The following ITPA variants were observed in gnomAD, a reference collection of about 807,000 sequenced individuals.
ITPA encodes inosine triphosphate pyrophosphatase.
Under a neutral mutation model 29.6 loss-of-function variants are expected in ITPA, and 29 were observed. The ratio of observed to expected loss-of-function variants is 0.98; its 90% CI spans 0.73 to 1.34. The LOEUF is 1.34. Ranked by LOEUF, ITPA falls within the 40% of genes most tolerant of loss-of-function variation. The probability of loss-of-function intolerance (pLI) is 0.00; values close to 1 mark genes in which losing one functional copy is unlikely to be tolerated. For synonymous variants in ITPA, 103 were observed against 99.3 expected, an observed-to-expected ratio of 1.04 and a Z score of -0.22; for missense variants, 241 against 251.5, an observed-to-expected ratio of 0.96 and a Z score of 0.28.
intron 3 of ITPA, among the ~76,000 whole-genome samples, 188 bp from the exon 4 acceptor site, chr20:3,213,797 T>C (rs1480129686): frequency 1.3e-5 from 2 of 152,214 alleles, no homozygotes; most frequent in Non-Finnish European, 2.9e-5. Context: ...GGCCAAAGCT[T>C]GGTGTCCTCA....
chr20:3,220,446 C>T (rs1432155774), intron 6 of ITPA, among the ~76,000 whole-genome samples: 2 of 152,116 alleles, frequency 1.3e-5, no homozygotes, highest in East Asian at 3.8e-4. Flanking sequence ...CTTAGTCACG[C>T]AGCTCCTCAC....
chr20:3,204,532 C>A, upstream of ITPA: 1 of 1,557,514 alleles, frequency 6.4e-7, no homozygotes. Flanking sequence ...AGCGGCATCT[C>A]CTACCTGATG....
At chr20:3,205,584 C>T (rs1229596696), upstream of ITPA, among the ~76,000 whole-genome samples, 1 of 151,988 alleles carries the variant, frequency 6.6e-6, no homozygotes, top group African/African-American at 2.4e-5. Flanking sequence ...CCTGTGATTC[C>T]AGGTACTTGG....
chr20:3,211,863 T>C (rs1170446903), intron 1 of ITPA, among the ~76,000 whole-genome samples: 2 of 152,038 alleles, frequency 1.3e-5, no homozygotes, highest in East Asian at 3.9e-4. Context: ...CTCAGGAAAA[T>C]AGTTTCAAAT....
chr20:3,223,473 T>G lies in ITPA; in HGVS notation c.*11T>G, dbSNP rs2067520723. ...AGTTTGGCAGCTTGACTTCTGCAGC[T>G]GGAGGAGGCCCCTCAGGCCGGGGAT... On this transcript the variant is annotated 3_prime_UTR_variant, in exon 8 of 8. Transcript: ENST00000380113. 1 of 1,603,026 alleles carries G rather than the reference T, an allele frequency of 6.2e-7. No individual in the cohort carries two copies. The highest frequency in any genetic ancestry group is 1.1e-5 in the South Asian group (1 of 89,744).
At chr20:3,205,329 T>C (rs192830262), upstream of ITPA, among the ~76,000 whole-genome samples, 138 of 151,966 alleles carry the variant, frequency 9.1e-4, no homozygotes, top group Admixed American at 2.3e-3. Flanking sequence ...TCTTTCTTTC[T>C]TTCTTTCTTT....
At chr20:3,218,008 C>T (rs2067352976) in intron 5 of ITPA, among the ~76,000 whole-genome samples, 1 of 151,952 alleles carries the variant, frequency 6.6e-6, no homozygotes, top group African/African-American at 2.4e-5. Flanking sequence ...AGCTCCGCCT[C>T]CCTTGTTCAC....
chr20:3,226,801 G>A (rs564529134), downstream of ITPA, among the ~76,000 whole-genome samples: 8 of 152,234 alleles, frequency 5.3e-5, no homozygotes, highest in South Asian at 4.2e-4. The surrounding 1 kb of genome is among the most constrained non-coding windows in gnomAD (Gnocchi z 4.4). Context: ...CTGCGCACCC[G>A]GCACTCCCCT....
At chr20:3,215,192 C>T in intron 4 of ITPA, 89 bp from the exon 5 acceptor site, 2 of 1,342,302 alleles carry the variant, frequency 1.5e-6, no homozygotes, top group Non-Finnish European at 2.1e-6. Flanking sequence ...TTTCATTTCC[C>T]CTTGGCTGTC....
At chr20:3,223,315 G>T (rs1374977588) in intron 7 of ITPA, 51 bp from the exon 8 acceptor site, 8 of 1,349,060 alleles carry the variant, frequency 5.9e-6, no homozygotes, top group Non-Finnish European at 8.4e-6. Flanking sequence ...GGGAGGGGGT[G>T]CACTTCCTTC....
upstream of ITPA, among the ~76,000 whole-genome samples, chr20:3,207,727 T>C (rs1283214877): frequency 9.1e-6 from 1 of 109,458 alleles, no homozygotes; most frequent in Admixed American, 9.3e-5. Flanking sequence ...CAAAACACAG[T>C]GGCTGATGCC....
At chr20:3,221,349 G>T (rs1183645553) in intron 6 of ITPA, among the ~76,000 whole-genome samples, 1 of 152,058 alleles carries the variant, frequency 6.6e-6, no homozygotes, top group Non-Finnish European at 1.5e-5. Flanking sequence ...TGTTCATGAA[G>T]TGGGGAGTTG....
rs34376287 is a variant in ITPA at position 3,219,746 on chromosome 20, C to CAA, written c.411+1129_411+1130dup. 1.2e-3 allele frequency among the ~76,000 whole-genome samples: 135 copies of CAA among 115,118 alleles called. 2 individuals are homozygous for CAA. The highest frequency in any genetic ancestry group is 4.9e-3 in the Middle Eastern group (1 of 206). The allele number at this position is 115,118 out of a possible 152,430, so 75.5% of individuals were successfully genotyped here. A position where few individuals can be genotyped will look rare whatever the true frequency, so the allele number is the denominator to read the frequency against. On this transcript the variant is annotated intron_variant, in intron 6 of 7. Coordinates refer to ENST00000380113, the MANE Select transcript of ITPA (RefSeq NM_033453.4). ...GGCAACAAGAGTGAGACTCCGTCTC[C>CAA]AAAAAAAAAAAAAAAAGAGGCTGAG...
At chr20:3,225,600 G>A (rs761384143), downstream of ITPA, among the ~76,000 whole-genome samples, 10 of 152,168 alleles carry the variant, frequency 6.6e-5, no homozygotes, top group African/African-American at 1.4e-4. Context: ...ACCTCGCCCC[G>A]TGCATCTCTT....
intron 1 of ITPA, among the ~76,000 whole-genome samples, chr20:3,210,782 G>A (rs1421141520): frequency 1.3e-5 from 2 of 152,118 alleles, no homozygotes. Context: ...CGAGTGCAGT[G>A]CCTCACGCCT....
chr20:3,227,039 C>T (rs146456662), downstream of ITPA, among the ~76,000 whole-genome samples: 244 of 152,276 alleles, frequency 1.6e-3, 2 homozygotes, highest in African/African-American at 5.4e-3. Context: ...GTGCTCCACA[C>T]GAAGCCTCGG....
At chr20:3,209,410 T>TA (rs1453677763), upstream of ITPA, 7 of 802,662 alleles carry the variant, frequency 8.7e-6, no homozygotes, top group South Asian at 1.5e-5. The surrounding 1 kb of genome is among the most constrained non-coding windows in gnomAD (Gnocchi z 4.6). Flanking sequence ...ACTCGCCCGA[T>TA]ACGCGCCTTG....
chr20:3,213,909 G>T, intron 3 of ITPA, 76 bp from the exon 4 acceptor site: 1 of 1,480,302 alleles, frequency 6.8e-7, no homozygotes, highest in Non-Finnish European at 9.4e-7. Flanking sequence ...CCCAGCCTGG[G>T]TGACGCGGGT....
Position 3,221,862 on chromosome 20 carries a change from G to A in ITPA, c.433G>A (p.Gly145Ser). ...RTSGRIVAPR[G>S]CQDFGWDPCF... is the part of the protein sequence containing the mutation. ...GCAGGGCCGGATCGTGGCACCCAGA[G>A]GCTGCCAGGACTTTGGCTGGGACCC... The change falls in exon 7 of 8, where the codon GGC (glycine) becomes AGC (serine). Residue 145 changes from glycine (G) to serine (S), a missense_variant. Gly to Ser is a moderately conservative substitution (Grantham distance 56, BLOSUM62 0). Transcript: ENST00000380113. 1 of 1,614,062 alleles carries A rather than the reference G, an allele frequency of 6.2e-7. No individual in the cohort carries two copies.
Sources: allele counts gnomAD v4.1 joint callset (sites outside exome capture counted in the v4.1 genomes callset), GRCh38; gene constraint gnomAD v4.1.1; non-coding constraint Gnocchi (gnomAD v3.1); transcripts MANE v1.5; gene names NCBI Gene and HGNC (gene_info 2026-07-23, HGNC 2026-07-21).